The following PPTC7 variants were observed in gnomAD, a reference collection of about 807,000 sequenced individuals.
The protein encoded by PPTC7 is protein phosphatase PTC7 homolog.
In PPTC7, 6 loss-of-function variants were observed where a neutral mutation model predicts 30.8. The ratio of observed to expected loss-of-function variants is 0.19; its 90% CI spans 0.11 to 0.38. The LOEUF is 0.38. Among genes scored for constraint, PPTC7 ranks in the 10% least tolerant of loss-of-function variants. The pLI is 1.00. For missense variants in PPTC7, 218 were observed against 404.8 expected (o/e 0.54, Z 3.96); for synonymous variants, 163 against 168.1 (o/e 0.97, Z 0.23).
Position 110,551,976 on chromosome 12 carries a change from A to G in PPTC7, c.224-8T>C. The stretch of plus-strand genomic sequence containing the variant: ...CTACACCATCTGCAACCCCTGAAGA[A>G]AAAACAAAAATTACAGTAAAAGAAC... On this transcript the variant is annotated splice_polypyrimidine_tract_variant and splice_region_variant and intron_variant, in intron 1 of 5. Transcript: ENST00000354300. 1 of 1,592,148 alleles carries G rather than the reference A, an allele frequency of 6.3e-7. No individual in the cohort carries two copies. Among genetic ancestry groups the G allele is most frequent in the Non-Finnish European group, 8.6e-7 (1 of 1,167,644 alleles).
intron 3 of PPTC7, among the ~76,000 whole-genome samples, chr12:110,545,463 AG>A (rs2135766096): frequency 6.6e-6 from 1 of 152,348 alleles, no homozygotes; most frequent in Non-Finnish European, 1.5e-5. Context: ...CTAGAGAATC[AG>A]GAAGTTACTC....
intron 1 of PPTC7, among the ~76,000 whole-genome samples, chr12:110,560,227 C>T (rs556090854): frequency 6.6e-6 from 1 of 151,710 alleles, no homozygotes; most frequent in Non-Finnish European, 1.5e-5. Flanking sequence ...TAGCAAAACC[C>T]GTCTCTACAA....
At chr12:110,577,395 T>C (rs2064599060) in intron 1 of PPTC7, among the ~76,000 whole-genome samples, 1 of 152,120 alleles carries the variant, frequency 6.6e-6, no homozygotes, top group Admixed American at 6.6e-5. Context: ...CAAGGACTTC[T>C]TGAAAGACTG....
chr12:110,555,114 A>T (rs897659752), intron 1 of PPTC7, among the ~76,000 whole-genome samples: 2 of 152,230 alleles, frequency 1.3e-5, no homozygotes, highest in Admixed American at 6.5e-5. Context: ...AAATTGGCTT[A>T]ACATGAATTG....
intron 2 of PPTC7, among the ~76,000 whole-genome samples, chr12:110,547,755 C>T (rs562980590): frequency 3.3e-5 from 5 of 152,116 alleles, no homozygotes; most frequent in Non-Finnish European, 5.9e-5. Context: ...CATCATTTTC[C>T]AGCTATGTGA....
chr12:110,540,321 C>CTTTTTT (rs11369595), intron 3 of PPTC7, among the ~76,000 whole-genome samples: 1 of 105,012 alleles, frequency 9.5e-6, no homozygotes, highest in Non-Finnish European at 1.8e-5. Context: ...CCCCCCCCGC[C>CTTTTTT]TTTTTTTTTT....
intron 1 of PPTC7, among the ~76,000 whole-genome samples, chr12:110,562,286 CAAAAAAAAAAAAAAAA>C (rs11319526): frequency 8.6e-5 from 3 of 34,726 alleles, no homozygotes; most frequent in Non-Finnish European, 1.4e-4. Context: ...GACTCCATCT[CAAAAAAAAAAAAAAAA>C]AAAAAAAAAA....
intron 3 of PPTC7, among the ~76,000 whole-genome samples, chr12:110,542,010 G>A (rs1164933331): frequency 6.6e-6 from 1 of 151,892 alleles, no homozygotes; most frequent in Non-Finnish European, 1.5e-5. Flanking sequence ...GCCAAGCATG[G>A]TGGCGTGCGC....
chr12:110,549,804 C>T (rs1245439620), intron 2 of PPTC7, among the ~76,000 whole-genome samples: 2 of 152,004 alleles, frequency 1.3e-5, no homozygotes, highest in Non-Finnish European at 2.9e-5. Flanking sequence ...AGTAAATGAT[C>T]GGGGGTCAGA....
chr12:110,540,065 T>C (rs945942017), intron 3 of PPTC7, 120 bp from the exon 4 acceptor site: 11 of 808,340 alleles, frequency 1.4e-5, no homozygotes, highest in Admixed American at 3.7e-5. Flanking sequence ...TGATTTATCA[T>C]AATGGAGTCA....
intron 5 of PPTC7, 52 bp from the exon 6 acceptor site, chr12:110,537,147 A>C: frequency 7.1e-7 from 1 of 1,414,944 alleles, no homozygotes; most frequent in Non-Finnish European, 1.0e-6. Flanking sequence ...AAAGTCAATA[A>C]AAAATGTGTA....
At chr12:110,581,261 A>G (rs1238143707) in intron 1 of PPTC7, among the ~76,000 whole-genome samples, 2 of 152,110 alleles carry the variant, frequency 1.3e-5, no homozygotes, top group South Asian at 4.1e-4. Flanking sequence ...TAAAAATACA[A>G]AAATTAGCTG....
intron 2 of PPTC7, 34 bp downstream of exon 2, chr12:110,551,755 T>A: frequency 6.3e-7 from 1 of 1,584,730 alleles, no homozygotes; most frequent in Non-Finnish European, 8.6e-7. Context: ...CTAGGGGGCT[T>A]CTTTAGAGGA....
intron 2 of PPTC7, chr12:110,546,349 T>TA (rs1256974856): frequency 5.4e-5 from 24 of 441,784 alleles, no homozygotes; most frequent in Non-Finnish European, 9.9e-5. Flanking sequence ...CAGAAAGCAA[T>TA]AAAAATGACT....
intron 1 of PPTC7, among the ~76,000 whole-genome samples, chr12:110,581,115 A>G (rs2064633496): frequency 1.3e-5 from 2 of 152,062 alleles, no homozygotes; most frequent in Admixed American, 1.3e-4. Context: ...TATGAACACA[A>G]CTTTAAGAAG....
intron 2 of PPTC7, among the ~76,000 whole-genome samples, chr12:110,549,595 C>A (rs543132034): frequency 9.9e-5 from 15 of 151,900 alleles, no homozygotes; most frequent in Non-Finnish European, 1.5e-4. Flanking sequence ...AAAAAGTAAT[C>A]ACAATATTCA....
At chr12:110,580,759 A>AT (rs934273025) in intron 1 of PPTC7, among the ~76,000 whole-genome samples, 37 of 146,602 alleles carry the variant, frequency 2.5e-4, no homozygotes, top group East Asian at 2.5e-3. Context: ...TTTTTATTTT[A>AT]TTTTTTTTTT....
chr12:110,556,684 G>T (rs1432926317), intron 1 of PPTC7, among the ~76,000 whole-genome samples: 1 of 152,190 alleles, frequency 6.6e-6, no homozygotes, highest in Non-Finnish European at 1.5e-5. Context: ...AATACCCTAA[G>T]AGCAAATGGA....
Position 110,535,242 on chromosome 12 carries a change from G to A in PPTC7, c.*1795C>T, listed in dbSNP as rs2064210470. ...CTACCAAAGAATTCTGTTTTGTCAAGTTAGGGTAGTTAAGGCATTCTGACA... is the reference window on the plus strand; with the variant it reads ...CTACCAAAGAATTCTGTTTTGTCAAATTAGGGTAGTTAAGGCATTCTGACA... On this transcript the variant is annotated 3_prime_UTR_variant, in exon 6 of 6. Coordinates refer to ENST00000354300, the MANE Select transcript of PPTC7 (RefSeq NM_139283.2). The A allele has an allele frequency of 6.6e-6, 1 of 150,838 alleles. No individual in the cohort carries two copies. 9.3% of individuals were successfully genotyped at this position (150,838 alleles called of 1,614,324 possible). A position where few individuals can be genotyped will look rare whatever the true frequency, so the allele number is the denominator to read the frequency against.
Sources: allele counts gnomAD v4.1 joint callset (sites outside exome capture counted in the v4.1 genomes callset), GRCh38; gene constraint gnomAD v4.1.1; transcripts MANE v1.5; gene names NCBI Gene and HGNC (gene_info 2026-07-23, HGNC 2026-07-21).